PCDHGB1: variants seen among roughly 807,000 people sequenced by gnomAD.
PCDHGB1 encodes the protein protocadherin gamma-B1.
In PCDHGB1, 34 loss-of-function variants were observed where a neutral mutation model predicts 56.6. The observed-to-expected ratio is 0.60, with a 90% CI of 0.46 to 0.80. The LOEUF (loss-of-function observed/expected upper bound fraction) is 0.80, where lower values mean the gene tolerates loss of function less well. Among genes scored for constraint, PCDHGB1 ranks in the 30% least tolerant of loss-of-function variants. PCDHGB1 has a pLI of 0.00. For missense variants in PCDHGB1, 1,278 were observed against 1,204.6 expected, an observed-to-expected ratio of 1.06 and a Z score of -0.90; for synonymous variants, 561 against 505.9, an observed-to-expected ratio of 1.11 and a Z score of -1.46.
chr5:141,359,240 G>A (rs1217262882), intron 1 of PCDHGB1, among the ~76,000 whole-genome samples: 1 of 152,062 alleles, frequency 6.6e-6, no homozygotes, highest in African/African-American at 2.4e-5. Flanking sequence ...ATTGTTTAAA[G>A]TAATTAAGCC....
chr5:141,476,039 C>T lies in PCDHGB1; in HGVS notation c.2410-18768C>T. The T allele has an allele frequency of 1.3e-6, 2 of 1,484,358 alleles. No homozygotes were observed. The highest frequency in any genetic ancestry group is 1.8e-6 in the Non-Finnish European group (2 of 1,117,328). The allele number at this position is 1,484,358 out of a possible 1,614,324, so 91.9% of individuals were successfully genotyped here. On this transcript the variant is annotated intron_variant, in intron 1 of 3. Coordinates refer to ENST00000523390, the MANE Select transcript of PCDHGB1 (RefSeq NM_018922.3). The surrounding 1 kb of genome is among the most constrained non-coding windows in gnomAD (Gnocchi z 7.6). Reference sequence around the variant, plus strand: ...TCGGACTCGGCGCCCAGCGCCCAAGCGCTAACCCGCTGAAAGTTTCTCAGC... The same window carrying T: ...TCGGACTCGGCGCCCAGCGCCCAAGTGCTAACCCGCTGAAAGTTTCTCAGC...
At chr5:141,507,447 G>A (rs998019159) in intron 3 of PCDHGB1, among the ~76,000 whole-genome samples, 1 of 152,226 alleles carries the variant, frequency 6.6e-6, no homozygotes, top group Non-Finnish European at 1.5e-5. Flanking sequence ...GCTGACGGAA[G>A]GACAGAGAGA....
intron 1 of PCDHGB1, chr5:141,371,085 A>T: frequency 6.2e-7 from 1 of 1,613,830 alleles, no homozygotes; most frequent in Non-Finnish European, 8.5e-7. Context: ...GATCAGGGTA[A>T]TTGTCGCAGA....
intron 1 of PCDHGB1, among the ~76,000 whole-genome samples, chr5:141,474,234 T>C (rs1458919904): frequency 6.6e-6 from 1 of 152,204 alleles, no homozygotes; most frequent in Non-Finnish European, 1.5e-5. Flanking sequence ...TAAGTGATGC[T>C]GAATAGGGGA....
chr5:141,393,220 A>G (rs2092705422), intron 1 of PCDHGB1: 15 of 1,613,684 alleles, frequency 9.3e-6, no homozygotes, highest in Non-Finnish European at 1.3e-5. Context: ...TTCCAGGTCG[A>G]AGATCTAGAA....
At chr5:141,427,365 TG>T (rs1391779401) in intron 1 of PCDHGB1, 2 of 457,804 alleles carry the variant, frequency 4.4e-6, no homozygotes, top group Non-Finnish European at 8.8e-6. Flanking sequence ...CGCAGAACCC[TG>T]GACGGTGATC....
chr5:141,423,970 A>C, intron 1 of PCDHGB1: 1 of 1,143,228 alleles, frequency 8.7e-7, no homozygotes, highest in Non-Finnish European at 1.1e-6. Flanking sequence ...TTCTATTATC[A>C]GTGTATGAGG....
At chr5:141,470,851 A>G (rs1410012138) in intron 1 of PCDHGB1, among the ~76,000 whole-genome samples, 2 of 151,876 alleles carry the variant, frequency 1.3e-5, no homozygotes, top group Non-Finnish European at 2.9e-5. Context: ...CCATGCTCAG[A>G]TAAGTTTTTT....
chr5:141,487,783 G>T lies in PCDHGB1; in HGVS notation c.2410-7024G>T. The T allele has an allele frequency of 6.6e-7, 1 of 1,522,846 alleles. No homozygotes were observed. The allele number at this position is 1,522,846 out of a possible 1,614,324, so 94.3% of individuals were successfully genotyped here. ...ACGCTGTGCTTTGTAACTGTTTCGT[G>T]AATTAACCAGAGTTGTCACAGTTTA... is the stretch of plus-strand genomic sequence containing the variant. On this transcript the variant is annotated intron_variant, in intron 1 of 3. Transcript: ENST00000523390. The surrounding 1 kb of genome is among the most constrained non-coding windows in gnomAD (Gnocchi z 5.0).
intron 1 of PCDHGB1, chr5:141,389,915 C>T (rs371220204): frequency 2.2e-5 from 36 of 1,613,944 alleles, no homozygotes; most frequent in Non-Finnish European, 4.2e-6. Context: ...CTGACCGCCC[C>T]GACCCCTCTG....
intron 1 of PCDHGB1, among the ~76,000 whole-genome samples, chr5:141,426,005 G>A (rs189148799): frequency 4.1e-4 from 63 of 152,202 alleles, no homozygotes; most frequent in Admixed American, 2.1e-3. Flanking sequence ...AAAGGCTTCC[G>A]GCTGCAGTTT....
intron 1 of PCDHGB1, chr5:141,433,013 AC>A: frequency 6.2e-7 from 1 of 1,614,018 alleles, no homozygotes; most frequent in Non-Finnish European, 8.5e-7. Flanking sequence ...TTTCCTGCAG[AC>A]CTATTCCCAC....
intron 1 of PCDHGB1, among the ~76,000 whole-genome samples, chr5:141,481,994 A>AG (rs2099550091): frequency 1.3e-5 from 2 of 151,258 alleles, no homozygotes; most frequent in African/African-American, 4.9e-5. Context: ...TTGAAGCAGG[A>AG]GAATCGCTTT....
At chr5:141,395,259 C>CT in intron 1 of PCDHGB1, 1 of 1,551,968 alleles carries the variant, frequency 6.4e-7, no homozygotes, top group Non-Finnish European at 8.7e-7. Flanking sequence ...TCTTTGCTTG[C>CT]TTTTAATTTC....
chr5:141,389,463 G>C (rs1201903320), intron 1 of PCDHGB1: 1 of 1,613,192 alleles, frequency 6.2e-7, no homozygotes, highest in African/African-American at 1.3e-5. Context: ...GCGCGCCTTC[G>C]AACTCACACT....
In PCDHGB1 at chr5:141,350,330, T is replaced by C; in HGVS notation, c.70T>C (p.Cys24Arg). Residue 24 changes from cysteine to arginine, a missense_variant, in exon 1 of 4, where the codon TGC becomes CGC. Physicochemically the swap from Cys to Arg is radical, Grantham distance 180 (BLOSUM62 -3). Transcript: ENST00000523390. ...GTTTCCCTTCCTGCTGTCTTTGTTCTGCGGGGCCATCTCCCAGCAGATCCG... is the reference window on the plus strand; with the variant it reads ...GTTTCCCTTCCTGCTGTCTTTGTTCCGCGGGGCCATCTCCCAGCAGATCCG... ...VLFPFLLSLFCGAISQQIRYT... is the reference protein window; with the variant it reads ...VLFPFLLSLFRGAISQQIRYT... The C allele has an allele frequency of 3.3e-6, 5 of 1,537,282 alleles. No homozygotes were observed. The highest frequency in any genetic ancestry group is 4.4e-6 in the Non-Finnish European group (5 of 1,144,062).
Position 141,491,382 on chromosome 5 carries a change from G to T in PCDHGB1, c.2410-3425G>T, listed in dbSNP as rs918558. 0.21 allele frequency: 331,798 copies of T among 1,613,774 alleles called. 36,318 individuals are homozygous for T. The highest frequency in any genetic ancestry group is 0.37 in the Admixed American group (22,359 of 60,012). ...TAGTCACCTTCACCTTTCTGTCAGC[G>T]AAGTGCCTTCAGGGAAACGCAGACG... is the stretch of plus-strand genomic sequence containing the variant. On this transcript the variant is annotated intron_variant, in intron 1 of 3. Transcript: ENST00000523390. This position sits in a 1 kb window ranked among gnomAD's most constrained non-coding sequence, Gnocchi z 6.9.
At position 141,350,225 on chromosome 5, in the gene PCDHGB1, T is replaced by C; in HGVS notation, c.-36T>C. On this transcript the variant is annotated 5_prime_UTR_variant, in exon 1 of 4. Coordinates refer to ENST00000523390, the MANE Select transcript of PCDHGB1 (RefSeq NM_018922.3). ...TGCTGCCATTTCTTTTTGAAAAACA[T>C]CCCAGAGGAAAGAAGCTCCGCGGAG... 1 of 1,498,610 alleles carries C rather than the reference T, an allele frequency of 6.7e-7. No individual in the cohort carries two copies. Among genetic ancestry groups the C allele is most frequent in the Non-Finnish European group, 8.9e-7 (1 of 1,125,554 alleles). 92.8% of individuals were successfully genotyped at this position (1,498,610 alleles called of 1,614,324 possible).
intron 1 of PCDHGB1, chr5:141,417,960 G>T (rs2096199953): frequency 1.2e-6 from 2 of 1,613,624 alleles, no homozygotes; most frequent in African/African-American, 1.3e-5. Context: ...GAGCCGATCC[G>T]CTACTCGATT....
Sources: gnomAD v4.1 joint callset for allele counts (sites outside exome capture counted in the v4.1 genomes callset) on GRCh38, gnomAD v4.1.1 for gene constraint, Gnocchi (gnomAD v3.1) non-coding constraint, MANE v1.5 for transcripts, NCBI Gene and HGNC (gene_info 2026-07-23, HGNC 2026-07-21) for gene names.